Variants in KIAA1328 observed in about 807,000 individuals in gnomAD.
The protein encoded by KIAA1328 is KIAA1328.
In KIAA1328, 52 loss-of-function variants were observed where a neutral mutation model predicts 68.1. The observed-to-expected ratio is 0.76, with a 90% CI of 0.61 to 0.96. KIAA1328 has a LOEUF of 0.96. Among genes scored for constraint, KIAA1328 ranks in the 40% least tolerant of loss-of-function variants. KIAA1328 has a pLI of 0.00. For synonymous variants in KIAA1328, 232 were observed against 239.4 expected, an observed-to-expected ratio of 0.97 and a Z score of 0.28; for missense variants, 641 against 677.6, an observed-to-expected ratio of 0.95 and a Z score of 0.60.
chr18:37,142,867 T>C (rs1459098441), intron 7 of KIAA1328, among the ~76,000 whole-genome samples: 1 of 152,144 alleles, frequency 6.6e-6, no homozygotes, highest in African/African-American at 2.4e-5. Context: ...TTCAATCAAT[T>C]TGGGGAGAAC....
At chr18:37,190,367 CCTA>C (rs1231999996) in intron 9 of KIAA1328, among the ~76,000 whole-genome samples, 1 of 152,126 alleles carries the variant, frequency 6.6e-6, no homozygotes, top group African/African-American at 2.4e-5. Context: ...AAAAATGACT[CCTA>C]CCTGTATTTT....
chr18:37,097,472 T>C lies in KIAA1328; in HGVS notation c.1232+29927T>C, dbSNP rs563244950. On this transcript the variant is annotated intron_variant, in intron 7 of 9. Coordinates refer to ENST00000280020, the MANE Select transcript of KIAA1328 (RefSeq NM_020776.3). ...ACCAGTACCATGCTATTTTGGTTAC[T>C]GCAGCCTTGTAGTATAGTTTGAAGT... Among the ~76,000 whole-genome samples, 26 of 152,372 alleles carry C rather than the reference T, an allele frequency of 1.7e-4. No individual in the cohort carries two copies. The South Asian group carries it at 5.4e-3, about 32-fold the overall frequency.
intron 5 of KIAA1328, among the ~76,000 whole-genome samples, chr18:36,941,218 A>T (rs1336329224): frequency 6.6e-6 from 1 of 152,160 alleles, no homozygotes; most frequent in Non-Finnish European, 1.5e-5. Flanking sequence ...ATGTATACCC[A>T]CACATACATG....
At chr18:37,021,828 G>A (rs941886023) in intron 6 of KIAA1328, among the ~76,000 whole-genome samples, 1 of 151,930 alleles carries the variant, frequency 6.6e-6, no homozygotes, top group Non-Finnish European at 1.5e-5. Flanking sequence ...CACGAGGTCA[G>A]GAGATCAAGA....
chr18:36,959,488 AG>A, intron 6 of KIAA1328, 53 bp downstream of exon 6: 1 of 1,554,684 alleles, frequency 6.4e-7, no homozygotes, highest in Non-Finnish European at 8.7e-7. Context: ...GCAAGATGTC[AG>A]AAGAGCCATT....
chr18:37,071,685 A>G (rs781773307), intron 7 of KIAA1328, among the ~76,000 whole-genome samples: 21 of 152,144 alleles, frequency 1.4e-4, no homozygotes, highest in Non-Finnish European at 2.4e-4. Context: ...TGGGACTAAT[A>G]CCCTGAGGAT....
chr18:36,923,566 T>C (rs1384929425), intron 5 of KIAA1328, among the ~76,000 whole-genome samples: 2 of 152,170 alleles, frequency 1.3e-5, no homozygotes, highest in Admixed American at 1.3e-4. Context: ...AATAGATAAG[T>C]TGATTTGTAT....
chr18:36,901,716 T>C (rs1200075859), intron 5 of KIAA1328, among the ~76,000 whole-genome samples: 1 of 152,004 alleles, frequency 6.6e-6, no homozygotes, highest in Admixed American at 6.6e-5. Flanking sequence ...TCTAGAAAGA[T>C]TGGGTAAAGA....
At chr18:36,900,867 CT>C (rs2049013944) in intron 5 of KIAA1328, among the ~76,000 whole-genome samples, 1 of 151,886 alleles carries the variant, frequency 6.6e-6, no homozygotes, top group African/African-American at 2.4e-5. Flanking sequence ...TTTCCATCCC[CT>C]AAATGGCAAA....
chr18:36,899,969 C>T (rs2048984682), intron 5 of KIAA1328, among the ~76,000 whole-genome samples: 1 of 151,748 alleles, frequency 6.6e-6, no homozygotes, highest in Admixed American at 6.6e-5. Flanking sequence ...AAATTAAATC[C>T]TTTAGTTACA....
Position 36,834,306 on chromosome 18 carries a change from G to A in KIAA1328, c.59-14G>A. 1 of 1,566,260 alleles carries A rather than the reference G, an allele frequency of 6.4e-7. No individual in the cohort carries two copies. The highest frequency in any genetic ancestry group is 1.3e-5 in the South Asian group (1 of 79,224). On this transcript the variant is annotated splice_polypyrimidine_tract_variant and intron_variant, in intron 1 of 9. Coordinates refer to ENST00000280020, the MANE Select transcript of KIAA1328 (RefSeq NM_020776.3). ...ATAATATTATTGTATTTTCCTTCAT[G>A]TTCTCCTGCGTAGTTTCTGATGAAG...
At chr18:36,833,386 A>G (rs1268285634) in intron 1 of KIAA1328, 1 of 152,204 alleles carries the variant, frequency 6.6e-6, no homozygotes, top group Non-Finnish European at 1.5e-5. Flanking sequence ...CAGAAGCTAT[A>G]AGGTAGGAGC....
At chr18:36,993,255 C>T (rs1426618338) in intron 6 of KIAA1328, among the ~76,000 whole-genome samples, 1 of 152,200 alleles carries the variant, frequency 6.6e-6, no homozygotes, top group Non-Finnish European at 1.5e-5. Flanking sequence ...ACACTTAGAA[C>T]ATTCTTTCAA....
At chr18:37,104,884 A>G (rs1201886073) in intron 7 of KIAA1328, among the ~76,000 whole-genome samples, 1 of 152,226 alleles carries the variant, frequency 6.6e-6, no homozygotes, top group Non-Finnish European at 1.5e-5. Context: ...TAGGAATGCA[A>G]ATTACTAGAG....
intron 9 of KIAA1328, among the ~76,000 whole-genome samples, chr18:37,179,150 A>G (rs908771623): frequency 1.3e-5 from 2 of 152,142 alleles, no homozygotes; most frequent in African/African-American, 2.4e-5. Flanking sequence ...TTCCTGACCA[A>G]TGTCATGGAG....
At chr18:36,885,271 T>C (rs1244664511) in intron 4 of KIAA1328, among the ~76,000 whole-genome samples, 1 of 152,192 alleles carries the variant, frequency 6.6e-6, no homozygotes, top group Non-Finnish European at 1.5e-5. Flanking sequence ...TGTCCTGGAT[T>C]ATAATTTGGC....
chr18:37,104,923 A>G (rs961570079), intron 7 of KIAA1328, among the ~76,000 whole-genome samples: 3 of 152,228 alleles, frequency 2.0e-5, no homozygotes, highest in Admixed American at 6.5e-5. Context: ...TGGCAGTATC[A>G]TTTAACAATT....
intron 7 of KIAA1328, among the ~76,000 whole-genome samples, chr18:37,158,087 C>T (rs1171722100): frequency 1.3e-5 from 2 of 151,390 alleles, no homozygotes; most frequent in East Asian, 3.9e-4. Context: ...GGCTGGAGTG[C>T]AGTGGCATGG....
chr18:37,100,040 CTG>C (rs2057551783), intron 7 of KIAA1328, among the ~76,000 whole-genome samples: 1 of 152,152 alleles, frequency 6.6e-6, no homozygotes, highest in Non-Finnish European at 1.5e-5. Context: ...ATTTGCCAGT[CTG>C]TGTCTTTTAA....
Sources: allele counts gnomAD v4.1 joint callset (sites outside exome capture counted in the v4.1 genomes callset), GRCh38; gene constraint gnomAD v4.1.1; transcripts MANE v1.5; gene names NCBI Gene and HGNC (gene_info 2026-07-23, HGNC 2026-07-21).